The following ICA1 variants were observed in gnomAD, a reference collection of about 807,000 sequenced individuals.
ICA1 encodes the protein 69 kDa islet cell autoantigen.
ICA1 carries 40 observed loss-of-function variants against 71.0 expected under a neutral mutation model. The observed-to-expected ratio is 0.56, with a 90% CI of 0.44 to 0.73. The LOEUF is 0.73. Ranked by LOEUF, ICA1 falls within the 30% of genes least tolerant of loss-of-function variation. The pLI is 0.00. For missense variants in ICA1, 578 were observed against 576.5 expected (o/e 1.00, Z -0.03); for synonymous variants, 207 against 209.5 (o/e 0.99, Z 0.10).
chr7:8,140,681 T>C (rs1427104226), intron 10 of ICA1, among the ~76,000 whole-genome samples: 2 of 152,192 alleles, frequency 1.3e-5, no homozygotes, highest in Non-Finnish European at 1.5e-5. Context: ...TAAACATCTG[T>C]TGAACAAATG....
intron 6 of ICA1, among the ~76,000 whole-genome samples, chr7:8,168,859 T>C (rs1807158440): frequency 6.6e-6 from 1 of 152,150 alleles, no homozygotes; most frequent in South Asian, 2.1e-4. Flanking sequence ...ATCTTCATCA[T>C]CATTACTTTT....
intron 1 of ICA1, among the ~76,000 whole-genome samples, chr7:8,242,065 C>T (rs1466585712): frequency 6.6e-6 from 1 of 152,114 alleles, no homozygotes; most frequent in Non-Finnish European, 1.5e-5. Flanking sequence ...ACCAAGCAGA[C>T]CTAATAGACA....
At chr7:8,155,507 A>G (rs745603881) in intron 8 of ICA1, among the ~76,000 whole-genome samples, 11 of 152,188 alleles carry the variant, frequency 7.2e-5, no homozygotes, top group Non-Finnish European at 1.5e-4. Flanking sequence ...ATGAATTCAC[A>G]TTGTACTTTA....
chr7:8,190,967 C>T (rs1007987217), intron 6 of ICA1, among the ~76,000 whole-genome samples: 1 of 152,094 alleles, frequency 6.6e-6, no homozygotes, highest in African/African-American at 2.4e-5. Flanking sequence ...CCTGGAATTC[C>T]TCAGGAACAT....
chr7:8,216,594 ATT>A (rs1795476618), intron 6 of ICA1, among the ~76,000 whole-genome samples: 26 of 151,962 alleles, frequency 1.7e-4, no homozygotes, highest in African/African-American at 5.6e-4. Flanking sequence ...CAAAAAAAAA[ATT>A]CCACATAAAA....
At chr7:8,233,226 G>A (rs1310641665) in intron 2 of ICA1, among the ~76,000 whole-genome samples, 1 of 152,166 alleles carries the variant, frequency 6.6e-6, no homozygotes, top group Non-Finnish European at 1.5e-5. Flanking sequence ...CTGTTACAGA[G>A]AAATCTAAAA....
At chr7:8,255,048 C>G (rs1364223709) in intron 1 of ICA1, among the ~76,000 whole-genome samples, 3 of 152,156 alleles carry the variant, frequency 2.0e-5, no homozygotes, top group Non-Finnish European at 4.4e-5. Context: ...TGACCACAAC[C>G]TGCTGTTCGC....
intron 1 of ICA1, among the ~76,000 whole-genome samples, chr7:8,261,569 G>C (rs753780954): frequency 1.1e-4 from 17 of 152,102 alleles, no homozygotes; most frequent in Admixed American, 2.0e-4. Context: ...TTATAAAGAG[G>C]TACCCATATG....
chr7:8,165,204 T>G (rs1321429686), intron 6 of ICA1, among the ~76,000 whole-genome samples: 2 of 152,232 alleles, frequency 1.3e-5, no homozygotes, highest in African/African-American at 4.8e-5. Context: ...ACCAAGAATT[T>G]TGCTGAATTC....
At chr7:8,218,542 C>A (rs1444352584) in intron 5 of ICA1, 39 bp from the exon 6 acceptor site, 2 of 1,554,820 alleles carry the variant, frequency 1.3e-6, no homozygotes, top group African/African-American at 1.4e-5. Context: ...AAAACTAAGC[C>A]AGTGAGCAAT....
At position 8,254,760 on chromosome 7, in the gene ICA1, G is replaced by C. The variant is rs180946173; in HGVS notation, c.-80+7334C>G. On this transcript the variant is annotated intron_variant, in intron 1 of 13. Coordinates refer to ENST00000402384, the MANE Select transcript of ICA1 (RefSeq NM_001136020.3). ...AGAGAGAAACAGGAAGCAGAAAGTGGGGAGTGGCTTAGCACAAACACAACA... is the reference window on the plus strand; with the variant it reads ...AGAGAGAAACAGGAAGCAGAAAGTGCGGAGTGGCTTAGCACAAACACAACA... Among the ~76,000 whole-genome samples, 136 of 151,998 alleles carry C rather than the reference G, an allele frequency of 8.9e-4. 1 individual carries two copies. Among genetic ancestry groups the C allele is most frequent in the African/African-American group, 3.2e-3 (131 of 41,448 alleles).
At chr7:8,259,721 G>A (rs1290832565) in intron 1 of ICA1, among the ~76,000 whole-genome samples, 1 of 152,162 alleles carries the variant, frequency 6.6e-6, no homozygotes, top group Non-Finnish European at 1.5e-5. Flanking sequence ...TGTTACCGCA[G>A]GGATTCTGAT....
At chr7:8,147,466 C>G (rs1474809694) in intron 8 of ICA1, among the ~76,000 whole-genome samples, 1 of 152,002 alleles carries the variant, frequency 6.6e-6, no homozygotes, top group Non-Finnish European at 1.5e-5. Context: ...ACTATTATTC[C>G]TAAAACAATT....
At position 8,123,643 on chromosome 7, in the gene ICA1, T is replaced by C. The variant is rs935710319; in HGVS notation, c.1330+4230A>G. On this transcript the variant is annotated intron_variant, in intron 13 of 13. Transcript: ENST00000402384. The surrounding 1 kb of genome is among the most constrained non-coding windows in gnomAD (Gnocchi z 4.1). The stretch of plus-strand genomic sequence containing the variant: ...CATTCAATTGTGTGTGGACTTAGCC[T>C]CTGTCTCCCACACCCATTCCTCCTT... Among the ~76,000 whole-genome samples, 2 of 152,206 alleles carry C rather than the reference T, an allele frequency of 1.3e-5. No individual in the cohort carries two copies. The highest frequency in any genetic ancestry group is 2.9e-5 in the Non-Finnish European group (2 of 68,030).
At chr7:8,146,911 C>T (rs1466333037) in intron 8 of ICA1, among the ~76,000 whole-genome samples, 1 of 149,764 alleles carries the variant, frequency 6.7e-6, no homozygotes, top group African/African-American at 2.5e-5. Flanking sequence ...CACACACTCG[C>T]CTTTCGGTAG....
At chr7:8,145,021 G>A (rs922158313) in intron 8 of ICA1, among the ~76,000 whole-genome samples, 1 of 152,268 alleles carries the variant, frequency 6.6e-6, no homozygotes, top group Admixed American at 6.5e-5. Context: ...GAGCAGACCT[G>A]TGATTGATTT....
At chr7:8,142,229 G>T (rs1412236350) in intron 9 of ICA1, among the ~76,000 whole-genome samples, 1 of 152,202 alleles carries the variant, frequency 6.6e-6, no homozygotes, top group Non-Finnish European at 1.5e-5. Flanking sequence ...AGAGGCTGCA[G>T]GCAGGACCAC....
chr7:8,217,930 T>C (rs11981246), intron 6 of ICA1, among the ~76,000 whole-genome samples: 28,806 of 152,162 alleles, frequency 0.19, 2,920 homozygotes, highest in African/African-American at 0.26. Flanking sequence ...TTAATATGCA[T>C]TAGCGATTTT....
chr7:8,229,378 C>T (rs944792478), intron 3 of ICA1, among the ~76,000 whole-genome samples: 1 of 152,182 alleles, frequency 6.6e-6, no homozygotes. Flanking sequence ...CAATGCGTGG[C>T]GGTTCCAGCC....
Sources: allele counts gnomAD v4.1 joint callset (sites outside exome capture counted in the v4.1 genomes callset), GRCh38; gene constraint gnomAD v4.1.1; non-coding constraint Gnocchi (gnomAD v3.1); transcripts MANE v1.5; gene names NCBI Gene and HGNC (gene_info 2026-07-23, HGNC 2026-07-21).